DRC10: variants seen among roughly 807,000 people sequenced by gnomAD.
DRC10 encodes IQ domain-containing protein D.
the DRC10 span, among the ~76,000 whole-genome samples, chr12:113,219,750 G>A: frequency 5.3e-5 from 8 of 152,084 alleles, no homozygotes; most frequent in Non-Finnish European, 7.4e-5. Context: ...ATGGCTCACC[G>A]CAACCTCCGC....
chr12:113,200,967 C>T, the DRC10 span, among the ~76,000 whole-genome samples: 7,535 of 152,186 alleles, frequency 0.05, 267 homozygotes, highest in Middle Eastern at 0.068. Flanking sequence ...GATGAAATCC[C>T]GTCTCTTCTA....
At chr12:113,207,500 G>A in the DRC10 span, 1 of 1,613,850 alleles carries the variant, frequency 6.2e-7, no homozygotes, top group South Asian at 1.1e-5. Flanking sequence ...ATGATTTGTT[G>A]GTTATTACTA....
the DRC10 span, among the ~76,000 whole-genome samples, chr12:113,209,341 G>C: frequency 6.6e-6 from 1 of 152,186 alleles, no homozygotes; most frequent in Non-Finnish European, 1.5e-5. Context: ...GGACATTAGT[G>C]GAACTGGAGA....
chr12:113,200,529 T>TAC, the DRC10 span: 3 of 559,308 alleles, frequency 5.4e-6, no homozygotes, highest in Non-Finnish European at 9.9e-6. Flanking sequence ...GTCCCACCCA[T>TAC]CCCCCCCACC....
At chr12:113,203,041 T>G in the DRC10 span, 3 of 455,518 alleles carry the variant, frequency 6.6e-6, no homozygotes, top group African/African-American at 6.0e-5. Context: ...TCCCTTTTTT[T>G]TTTGAGACAG....
At chr12:113,206,964 A>G in the DRC10 span, among the ~76,000 whole-genome samples, 1 of 152,006 alleles carries the variant, frequency 6.6e-6, no homozygotes, top group Non-Finnish European at 1.5e-5. Context: ...GGAGGGTGAG[A>G]TGGGAGGATT....
the DRC10 span, among the ~76,000 whole-genome samples, chr12:113,214,461 G>A: frequency 1.4e-5 from 2 of 138,186 alleles, no homozygotes; most frequent in East Asian, 4.3e-4. Context: ...AGCTGAGATC[G>A]CACCACTGCA....
the DRC10 span, among the ~76,000 whole-genome samples, chr12:113,216,202 A>G: frequency 6.6e-6 from 1 of 152,350 alleles, no homozygotes; most frequent in African/African-American, 2.4e-5. Flanking sequence ...TGTTAAAAAG[A>G]AATGAGCTGT....
At chr12:113,200,900 A>C in the DRC10 span, 1 of 1,021,680 alleles carries the variant, frequency 9.8e-7, no homozygotes, top group Non-Finnish European at 1.4e-6. Context: ...ACACTTAGGG[A>C]GGCTGAGGTG....
chr12:113,207,936 C>T, the DRC10 span: 9 of 1,614,100 alleles, frequency 5.6e-6, no homozygotes, highest in Non-Finnish European at 7.6e-6. Flanking sequence ...CCTCCATATC[C>T]TCTCTGTTGG....
chr12:113,207,296 C>G, the DRC10 span: 1 of 763,124 alleles, frequency 1.3e-6, no homozygotes, highest in Non-Finnish European at 2.3e-6. Context: ...TGCAGTGAGT[C>G]GAGATTACAC....
At chr12:113,198,684 G>A in the DRC10 span, among the ~76,000 whole-genome samples, 1 of 152,168 alleles carries the variant, frequency 6.6e-6, no homozygotes, top group African/African-American at 2.4e-5. Context: ...AGGTGATAAT[G>A]TTTTGGAACT....
chr12:113,198,089 C>T, the DRC10 span, among the ~76,000 whole-genome samples: 1 of 152,162 alleles, frequency 6.6e-6, no homozygotes, highest in Non-Finnish European at 1.5e-5. Context: ...TGGTGATGCA[C>T]ACCTGTAATC....
chr12:113,218,851 A>G, the DRC10 span, among the ~76,000 whole-genome samples: 1 of 152,196 alleles, frequency 6.6e-6, no homozygotes, highest in South Asian at 2.1e-4. Flanking sequence ...ATTCTAAGGA[A>G]ATATCATGAG....
the DRC10 span, chr12:113,200,701 T>G: frequency 6.5e-7 from 1 of 1,536,218 alleles, no homozygotes; most frequent in Non-Finnish European, 8.7e-7. Flanking sequence ...GAAATCGGCC[T>G]TCTGCTGCTT....
the DRC10 span, among the ~76,000 whole-genome samples, chr12:113,210,200 A>G: frequency 1.3e-5 from 2 of 152,168 alleles, no homozygotes; most frequent in African/African-American, 4.8e-5. Context: ...GAGATCAGTA[A>G]TTTATATTGC....
At chr12:113,205,230 T>A in the DRC10 span, among the ~76,000 whole-genome samples, 8,805 of 150,904 alleles carry the variant, frequency 0.058, 334 homozygotes, top group Middle Eastern at 0.071. Flanking sequence ...GAATTTTTTT[T>A]TAAAAAAAAA....
chr12:113,218,285 C>T, the DRC10 span, among the ~76,000 whole-genome samples: 6 of 151,864 alleles, frequency 4.0e-5, no homozygotes, highest in Non-Finnish European at 5.9e-5. Flanking sequence ...TACAGGCATG[C>T]GCCACCACGC....
the DRC10 span, chr12:113,195,736 TCTC>T: frequency 6.2e-7 from 1 of 1,613,810 alleles, no homozygotes; most frequent in Non-Finnish European, 8.5e-7. Context: ...ATGCGCACCA[TCTC>T]CTGCTCTGCC....
Sources: gnomAD v4.1 joint callset for allele counts (sites outside exome capture counted in the v4.1 genomes callset) on GRCh38, gnomAD v4.1.1 for gene constraint, MANE v1.5 for transcripts, NCBI Gene and HGNC (gene_info 2026-07-23, HGNC 2026-07-21) for gene names.